INSR: variants seen among roughly 807,000 people sequenced by gnomAD.
INSR encodes the protein insulin receptor, also known as IR.
A neutral mutation model predicts 142.6 loss-of-function variants in INSR; 67 were observed. The ratio of observed to expected loss-of-function variants is 0.47; its 90% CI spans 0.39 to 0.58. The LOEUF is 0.58. INSR is among the 20% of genes least tolerant of loss of function. The pLI is 0.00. For synonymous variants in INSR, 756 were observed against 743.1 expected, an observed-to-expected ratio of 1.02 and a Z score of -0.28; for missense variants, 1,248 against 1,833.2, an observed-to-expected ratio of 0.68 and a Z score of 5.83.
chr19:7,147,320 G>T (rs34688709), intron 11 of INSR, among the ~76,000 whole-genome samples: 1 of 151,816 alleles, frequency 6.6e-6, no homozygotes, highest in Admixed American at 6.6e-5. Context: ...GACTACAGGC[G>T]CACGTTACCA....
At chr19:7,217,861 CTTTT>C (rs1336368656) in intron 2 of INSR, among the ~76,000 whole-genome samples, 1 of 152,154 alleles carries the variant, frequency 6.6e-6, no homozygotes. Context: ...ACCCGGCCTT[CTTTT>C]TTTTCTTTTG....
intron 2 of INSR, among the ~76,000 whole-genome samples, chr19:7,258,141 C>G (rs568402164): frequency 6.6e-6 from 1 of 152,254 alleles, no homozygotes; most frequent in East Asian, 1.9e-4. Context: ...TGTGAAAAAG[C>G]ATTCTTAAGC....
At chr19:7,171,914 T>C (rs1974023559) in intron 5 of INSR, among the ~76,000 whole-genome samples, 1 of 133,986 alleles carries the variant, frequency 7.5e-6, no homozygotes, top group Non-Finnish European at 1.5e-5. Flanking sequence ...TTCCTTTTCT[T>C]TTCTTTTTTT....
At chr19:7,136,338 C>A (rs1378815863) in intron 13 of INSR, among the ~76,000 whole-genome samples, 1 of 152,124 alleles carries the variant, frequency 6.6e-6, no homozygotes, top group Non-Finnish European at 1.5e-5. Flanking sequence ...GTTTCCACTG[C>A]AGACCCTCCT....
At chr19:7,221,408 A>G (rs1445462625) in intron 2 of INSR, among the ~76,000 whole-genome samples, 9 of 90,132 alleles carry the variant, frequency 1.0e-4, no homozygotes, top group Admixed American at 1.3e-4. Flanking sequence ...GGAGGAGGAA[A>G]GAAGAAGAAG....
At chr19:7,231,788 T>A (rs537137154) in intron 2 of INSR, among the ~76,000 whole-genome samples, 1 of 151,256 alleles carries the variant, frequency 6.6e-6, no homozygotes, top group African/African-American at 2.4e-5. Flanking sequence ...TTTTTTTTTT[T>A]AATTATAGAG....
Position 7,252,143 on chromosome 19 carries a change from C to T in INSR, c.652+15202G>A, listed in dbSNP as rs147632440. 5.1e-3 allele frequency among the ~76,000 whole-genome samples: 781 copies of T among 152,146 alleles called. 7 individuals are homozygous for T. Among genetic ancestry groups the T allele is most frequent in the Non-Finnish European group, 9.4e-3 (636 of 68,004 alleles). ...ACAAAAATTTGCCAGTGCGTAGTGG[C>T]GCACGCCTGTAATCCCAGCACTTTG... is the stretch of plus-strand genomic sequence containing the variant. On this transcript the variant is annotated intron_variant, in intron 2 of 21. Coordinates refer to ENST00000302850, the MANE Select transcript of INSR (RefSeq NM_000208.4).
chr19:7,187,906 G>C (rs370654548), intron 2 of INSR, among the ~76,000 whole-genome samples: 11 of 152,050 alleles, frequency 7.2e-5, no homozygotes, highest in African/African-American at 2.7e-4. Context: ...GATGACTACC[G>C]TCTCCCAGAC....
intron 7 of INSR, among the ~76,000 whole-genome samples, chr19:7,167,159 T>G (rs1415256841): frequency 6.6e-6 from 1 of 152,186 alleles, no homozygotes; most frequent in Non-Finnish European, 1.5e-5. Flanking sequence ...ATTTTCAGAT[T>G]AGGGATACTC....
intron 2 of INSR, among the ~76,000 whole-genome samples, chr19:7,229,336 G>GGATA (rs1198848075): frequency 1.2e-3 from 112 of 92,686 alleles, no homozygotes; most frequent in South Asian, 1.6e-3. Context: ...ATGGATAGAT[G>GGATA]GATGGATGGA....
intron 9 of INSR, among the ~76,000 whole-genome samples, chr19:7,158,305 C>T (rs1481020640): frequency 1.3e-5 from 2 of 151,838 alleles, no homozygotes; most frequent in African/African-American, 2.4e-5. Flanking sequence ...TCGAGACCAT[C>T]CTGGCTAACA....
chr19:7,137,250 T>C (rs1366227931), intron 13 of INSR, among the ~76,000 whole-genome samples: 1 of 140,274 alleles, frequency 7.1e-6, no homozygotes, highest in Non-Finnish European at 1.5e-5. Flanking sequence ...TACAGCTCAA[T>C]AAAGCTGTTT....
At chr19:7,253,392 C>G (rs1976794984) in intron 2 of INSR, among the ~76,000 whole-genome samples, 1 of 151,880 alleles carries the variant, frequency 6.6e-6, no homozygotes. Context: ...GTTCCAACCA[C>G]CAGCCCGGCT....
At chr19:7,239,497 C>G (rs1484103744) in intron 2 of INSR, among the ~76,000 whole-genome samples, 2 of 152,138 alleles carry the variant, frequency 1.3e-5, no homozygotes, top group East Asian at 3.8e-4. Context: ...TAATGCATCA[C>G]TGGTGAAACT....
intron 14 of INSR, among the ~76,000 whole-genome samples, chr19:7,130,682 T>C (rs1972754071): frequency 6.6e-6 from 1 of 152,176 alleles, no homozygotes; most frequent in Admixed American, 6.5e-5. Flanking sequence ...GATGCCAGCA[T>C]CATGGTTCCT....
chr19:7,180,525 G>A (rs1369038055), intron 3 of INSR, among the ~76,000 whole-genome samples: 19 of 54,562 alleles, frequency 3.5e-4, no homozygotes, highest in African/African-American at 1.6e-3. Flanking sequence ...CCAAGACCTT[G>A]TCTCAAAAAA....
chr19:7,211,727 G>A (rs777284479), intron 2 of INSR, among the ~76,000 whole-genome samples: 3 of 152,152 alleles, frequency 2.0e-5, no homozygotes, highest in Admixed American at 6.6e-5. Context: ...CGGCAGCCGC[G>A]GAGAAGGAAG....
intron 11 of INSR, among the ~76,000 whole-genome samples, chr19:7,146,236 CTTTTTTTT>C (rs35961932): frequency 9.0e-6 from 1 of 110,756 alleles, no homozygotes; most frequent in African/African-American, 3.5e-5. Context: ...TTGTCAAGTT[CTTTTTTTT>C]TTTTTTTTTT....
chr19:7,179,742 C>T (rs1974226680), intron 3 of INSR, among the ~76,000 whole-genome samples: 1 of 152,226 alleles, frequency 6.6e-6, no homozygotes, highest in African/African-American at 2.4e-5. Context: ...CTATCTGGCC[C>T]TTGGCCAACC....
Sources: allele counts gnomAD v4.1 joint callset (sites outside exome capture counted in the v4.1 genomes callset), GRCh38; gene constraint gnomAD v4.1.1; transcripts MANE v1.5; gene names NCBI Gene and HGNC (gene_info 2026-07-23, HGNC 2026-07-21).